Variants in SCHIP1 observed in about 807,000 individuals in gnomAD.
The protein encoded by SCHIP1 is schwannomin-interacting protein 1.
Under a neutral mutation model 29.7 loss-of-function variants are expected in SCHIP1, and 8 were observed. That is an observed-to-expected ratio of 0.27 (90% CI 0.16 to 0.49). The LOEUF (loss-of-function observed/expected upper bound fraction) is 0.49. Among genes scored for constraint, SCHIP1 ranks in the 20% least tolerant of loss-of-function variants. SCHIP1 has a pLI of 0.99. For missense variants in SCHIP1, 193 were observed against 294.6 expected (o/e 0.66, Z 2.52); for synonymous variants, 76 against 94.9 (o/e 0.80, Z 1.16).
the SCHIP1 span, among the ~76,000 whole-genome samples, chr3:159,312,556 C>A: frequency 0.33 from 50,160 of 151,996 alleles, 8,916 homozygotes; most frequent in Non-Finnish European, 0.41. Flanking sequence ...AACTGGGAAC[C>A]ATGTTCTGAC....
chr3:159,578,824 A>G, the SCHIP1 span, among the ~76,000 whole-genome samples: 39,590 of 151,912 alleles, frequency 0.26, 8,127 homozygotes, highest in African/African-American at 0.56. Context: ...CTCTTATAAG[A>G]ACCCTAGTGA....
the SCHIP1 span, among the ~76,000 whole-genome samples, chr3:159,293,549 C>T: frequency 7.1e-3 from 1,085 of 152,302 alleles, 5 homozygotes; most frequent in Non-Finnish European, 8.9e-3. Flanking sequence ...CCTGAAGCTA[C>T]ACTGCAATTC....
the SCHIP1 span, among the ~76,000 whole-genome samples, chr3:159,561,648 C>G: frequency 6.6e-6 from 1 of 151,938 alleles, no homozygotes; most frequent in African/African-American, 2.4e-5. Flanking sequence ...GTAAAGAATT[C>G]TTTCATGATG....
chr3:159,395,823 A>G, the SCHIP1 span, among the ~76,000 whole-genome samples: 7 of 151,940 alleles, frequency 4.6e-5, no homozygotes, highest in East Asian at 1.4e-3. Flanking sequence ...AGTTCTGTAG[A>G]TGTCTATTAG....
chr3:159,710,585 T>C, the SCHIP1 span, among the ~76,000 whole-genome samples: 7 of 152,212 alleles, frequency 4.6e-5, no homozygotes, highest in Admixed American at 4.6e-4. Context: ...GGGACAGACA[T>C]GTTAATGAGT....
intron 6 of SCHIP1, among the ~76,000 whole-genome samples, chr3:159,895,816 C>G (rs931816919): frequency 5.3e-5 from 8 of 152,320 alleles, no homozygotes; most frequent in East Asian, 1.9e-4. Context: ...CTGCCTCAGC[C>G]TCCTGAATAG....
At chr3:159,722,044 C>T in the SCHIP1 span, 1 of 363,686 alleles carries the variant, frequency 2.7e-6, no homozygotes, top group Non-Finnish European at 5.3e-6. Context: ...ATTATGTCTG[C>T]ATTCTCATCC....
chr3:159,616,331 A>G, the SCHIP1 span, among the ~76,000 whole-genome samples: 10 of 152,026 alleles, frequency 6.6e-5, no homozygotes, highest in Non-Finnish European at 1.0e-4. Context: ...TGAACTCCTG[A>G]CCTCAAGTGA....
At chr3:159,736,493 C>A in the SCHIP1 span, among the ~76,000 whole-genome samples, 1 of 152,198 alleles carries the variant, frequency 6.6e-6, no homozygotes, top group African/African-American at 2.4e-5. Flanking sequence ...TCCCCAACTC[C>A]CCAACTATTC....
chr3:159,346,964 A>G, the SCHIP1 span, among the ~76,000 whole-genome samples: 1 of 152,168 alleles, frequency 6.6e-6, no homozygotes, highest in Non-Finnish European at 1.5e-5. Context: ...ATCCACTCAT[A>G]GTGGCAGTCA....
At chr3:159,544,368 T>C in the SCHIP1 span, among the ~76,000 whole-genome samples, 171 of 152,162 alleles carry the variant, frequency 1.1e-3, no homozygotes, top group South Asian at 1.9e-3. Context: ...ATATTGGACA[T>C]ATACCTAGGA....
At chr3:159,507,701 C>T in the SCHIP1 span, among the ~76,000 whole-genome samples, 1 of 152,066 alleles carries the variant, frequency 6.6e-6, no homozygotes, top group Non-Finnish European at 1.5e-5. Flanking sequence ...TGTCAAAGGC[C>T]TTTTCTGCAT....
chr3:159,658,482 G>A, the SCHIP1 span, among the ~76,000 whole-genome samples: 1 of 152,132 alleles, frequency 6.6e-6, no homozygotes, highest in African/African-American at 2.4e-5. Flanking sequence ...TTAAAGGACT[G>A]TTGTCCTACT....
At chr3:159,879,797 T>C (rs1716252883) in intron 2 of SCHIP1, among the ~76,000 whole-genome samples, 1 of 152,154 alleles carries the variant, frequency 6.6e-6, no homozygotes, top group Non-Finnish European at 1.5e-5. Context: ...GGAATGCAAG[T>C]ATTTATAGCT....
chr3:159,462,190 C>G, the SCHIP1 span, among the ~76,000 whole-genome samples: 1 of 151,968 alleles, frequency 6.6e-6, no homozygotes, highest in Admixed American at 6.6e-5. Context: ...GCCTGTGCAA[C>G]AGAGCAAGAC....
chr3:159,527,214 G>A, the SCHIP1 span, among the ~76,000 whole-genome samples: 1 of 152,158 alleles, frequency 6.6e-6, no homozygotes, highest in Non-Finnish European at 1.5e-5. Context: ...TCATAACAGT[G>A]TATCAAAATC....
the SCHIP1 span, among the ~76,000 whole-genome samples, chr3:159,483,335 G>A: frequency 6.9e-4 from 105 of 152,252 alleles, no homozygotes; most frequent in Admixed American, 2.1e-3. Flanking sequence ...AGCAGTGGGA[G>A]AAACGAGAAC....
At chr3:159,382,818 A>G in the SCHIP1 span, among the ~76,000 whole-genome samples, 2 of 152,158 alleles carry the variant, frequency 1.3e-5, no homozygotes, top group African/African-American at 4.8e-5. Context: ...GTGAGATGGT[A>G]TCTCATTGTG....
the SCHIP1 span, among the ~76,000 whole-genome samples, chr3:159,529,461 T>A: frequency 6.2e-3 from 951 of 152,238 alleles, 10 homozygotes; most frequent in African/African-American, 0.022. Context: ...CCCTTTTTTT[T>A]ATTTTTATTT....
Sources: allele counts gnomAD v4.1 joint callset (sites outside exome capture counted in the v4.1 genomes callset), GRCh38; gene constraint gnomAD v4.1.1; transcripts MANE v1.5; gene names NCBI Gene and HGNC (gene_info 2026-07-23, HGNC 2026-07-21).